The following HS3ST4 variants were observed in gnomAD, a reference collection of about 807,000 sequenced individuals.
HS3ST4 encodes the protein heparan sulfate-glucosamine 3-sulfotransferase 4.
In HS3ST4, 17 loss-of-function variants were observed where a neutral mutation model predicts 29.2. The ratio of observed to expected loss-of-function variants is 0.58; its 90% CI spans 0.40 to 0.87. The LOEUF (loss-of-function observed/expected upper bound fraction) is 0.87, where lower values mean the gene tolerates loss of function less well. Ranked by LOEUF, HS3ST4 falls within the 40% of genes least tolerant of loss-of-function variation. The probability of loss-of-function intolerance (pLI) is 0.00; values close to 1 mark genes in which losing one functional copy is unlikely to be tolerated. For synonymous variants in HS3ST4, 314 were observed against 285.7 expected (o/e 1.10, Z -1.00); for missense variants, 627 against 634.5 (o/e 0.99, Z 0.13).
At chr16:25,744,531 G>A (rs1966673792) in intron 1 of HS3ST4, among the ~76,000 whole-genome samples, 1 of 150,472 alleles carries the variant, frequency 6.6e-6, no homozygotes, top group South Asian at 2.1e-4. Context: ...TAGGCATGGT[G>A]TAACATGGTC....
At chr16:26,029,992 C>G (rs1006263411) in intron 1 of HS3ST4, among the ~76,000 whole-genome samples, 61 of 152,344 alleles carry the variant, frequency 4.0e-4, no homozygotes, top group African/African-American at 1.3e-3. Context: ...CTTAGTCCCC[C>G]CATCGTTCGC....
intron 1 of HS3ST4, among the ~76,000 whole-genome samples, chr16:25,934,614 G>A (rs1282055284): frequency 6.6e-6 from 1 of 152,112 alleles, no homozygotes. Flanking sequence ...GTAGCTCTGG[G>A]CAGTTGACTT....
At chr16:26,119,708 T>C (rs1487998701) in intron 1 of HS3ST4, among the ~76,000 whole-genome samples, 3 of 152,226 alleles carry the variant, frequency 2.0e-5, no homozygotes, top group Non-Finnish European at 4.4e-5. Context: ...TTTCTGCTTT[T>C]CATTATTTCT....
intron 1 of HS3ST4, among the ~76,000 whole-genome samples, chr16:25,820,692 C>G (rs1004661756): frequency 6.6e-6 from 1 of 152,052 alleles, no homozygotes; most frequent in Non-Finnish European, 1.5e-5. Flanking sequence ...GCCTCAGCCT[C>G]GTGAGTAGCT....
At chr16:25,909,284 A>G (rs1388624140) in intron 1 of HS3ST4, among the ~76,000 whole-genome samples, 4 of 151,690 alleles carry the variant, frequency 2.6e-5, no homozygotes. Context: ...CACCTCCAGG[A>G]CTCGAGCGAT....
At chr16:25,732,197 C>T (rs1460232407) in intron 1 of HS3ST4, among the ~76,000 whole-genome samples, 3 of 152,134 alleles carry the variant, frequency 2.0e-5, no homozygotes, top group Non-Finnish European at 4.4e-5. Flanking sequence ...TGTGATTTTT[C>T]CCCTTTTCCA....
intron 1 of HS3ST4, among the ~76,000 whole-genome samples, chr16:25,975,555 G>T (rs940541995): frequency 6.6e-6 from 1 of 152,018 alleles, no homozygotes; most frequent in African/African-American, 2.4e-5. Flanking sequence ...CTAAAGGAAA[G>T]GTTGAAATTA....
intron 1 of HS3ST4, among the ~76,000 whole-genome samples, chr16:26,048,953 C>T (rs377514918): frequency 1.6e-3 from 242 of 152,188 alleles, no homozygotes; most frequent in African/African-American, 4.7e-3. Flanking sequence ...CCTCTCTGCC[C>T]TTTGTTAATG....
At chr16:26,125,760 G>A (rs1192332393) in intron 1 of HS3ST4, among the ~76,000 whole-genome samples, 2 of 152,158 alleles carry the variant, frequency 1.3e-5, no homozygotes, top group Non-Finnish European at 1.5e-5. Context: ...TCGCCTGGCT[G>A]GGGACAGAAA....
At chr16:25,720,325 G>A (rs1966484159) in intron 1 of HS3ST4, among the ~76,000 whole-genome samples, 2 of 152,204 alleles carry the variant, frequency 1.3e-5, no homozygotes, top group African/African-American at 4.8e-5. Flanking sequence ...TAGATAGGTA[G>A]GAGCCAGATC....
chr16:25,738,240 C>A (rs1966625122), intron 1 of HS3ST4, among the ~76,000 whole-genome samples: 1 of 152,142 alleles, frequency 6.6e-6, no homozygotes, highest in African/African-American at 2.4e-5. Context: ...CATCCTCTGT[C>A]TCCTACGGGA....
At chr16:25,832,129 A>G (rs989240652) in intron 1 of HS3ST4, among the ~76,000 whole-genome samples, 3 of 152,124 alleles carry the variant, frequency 2.0e-5, no homozygotes, top group African/African-American at 7.2e-5. Flanking sequence ...AAATAAAAAT[A>G]TAGTCCCATA....
At chr16:25,885,693 TTATATA>T (rs981933618) in intron 1 of HS3ST4, among the ~76,000 whole-genome samples, 2 of 151,908 alleles carry the variant, frequency 1.3e-5, no homozygotes, top group Non-Finnish European at 2.9e-5. Context: ...ATATGTAACA[TTATATA>T]TATTATATAG....
At chr16:26,021,598 A>G (rs2141747120) in intron 1 of HS3ST4, among the ~76,000 whole-genome samples, 1 of 152,352 alleles carries the variant, frequency 6.6e-6, no homozygotes, top group Admixed American at 6.5e-5. Flanking sequence ...AGGCTCACAC[A>G]TCAGACATGC....
At chr16:26,017,460 A>G (rs940749957) in intron 1 of HS3ST4, among the ~76,000 whole-genome samples, 6 of 152,194 alleles carry the variant, frequency 3.9e-5, no homozygotes, top group African/African-American at 1.4e-4. Flanking sequence ...ATGAGCTAGG[A>G]AAAAAATTGG....
chr16:26,075,990 A>G lies in HS3ST4; in HGVS notation c.735-59622A>G, dbSNP rs533000809. Among the ~76,000 whole-genome samples the G allele has an allele frequency of 2.6e-5, 4 of 152,272 alleles. No homozygotes were observed. The East Asian group carries it at 5.8e-4, about 22-fold the overall frequency. On this transcript the variant is annotated intron_variant, in intron 1 of 1. Transcript: ENST00000331351. Reference sequence around the variant, plus strand: ...CCGAGTATAATCCATTTCTCCATCAATGACACACAGAAAAAAGAAAAAATA... The same window carrying G: ...CCGAGTATAATCCATTTCTCCATCAGTGACACACAGAAAAAAGAAAAAATA...
intron 1 of HS3ST4, among the ~76,000 whole-genome samples, chr16:25,965,287 G>A (rs1054221923): frequency 1.3e-5 from 2 of 151,906 alleles, no homozygotes; most frequent in Admixed American, 6.6e-5. Flanking sequence ...AGCAGAGGGG[G>A]CTCTGCTGTT....
chr16:25,705,181 A>G (rs911913185), intron 1 of HS3ST4, among the ~76,000 whole-genome samples: 4 of 152,218 alleles, frequency 2.6e-5, no homozygotes, highest in Non-Finnish European at 4.4e-5. Flanking sequence ...TAATCAGGCC[A>G]TGACACGGGG....
At chr16:25,946,691 G>T (rs1968629172) in intron 1 of HS3ST4, among the ~76,000 whole-genome samples, 1 of 152,164 alleles carries the variant, frequency 6.6e-6, no homozygotes, top group Non-Finnish European at 1.5e-5. Flanking sequence ...ACTGCAATAA[G>T]TGAAATGTAA....
Sources: allele counts gnomAD v4.1 joint callset (sites outside exome capture counted in the v4.1 genomes callset), GRCh38; gene constraint gnomAD v4.1.1; transcripts MANE v1.5; gene names NCBI Gene and HGNC (gene_info 2026-07-23, HGNC 2026-07-21).